KLF17: variants seen among roughly 807,000 people sequenced by gnomAD.
KLF17 encodes the protein KLF transcription factor 17.
A neutral mutation model predicts 34.2 loss-of-function variants in KLF17; 31 were observed. The observed-to-expected ratio is 0.91, with a 90% CI of 0.68 to 1.22. The LOEUF (loss-of-function observed/expected upper bound fraction) is 1.22, where lower values mean the gene tolerates loss of function less well. Among genes scored for constraint, KLF17 ranks in the 50% most tolerant of loss-of-function variants. KLF17 has a pLI of 0.00. For missense variants in KLF17, 478 were observed against 505.2 expected (o/e 0.95, Z 0.52); for synonymous variants, 179 against 186.7 (o/e 0.96, Z 0.34).
At chr1:44,112,476 G>C in the KLF17 span, among the ~76,000 whole-genome samples, 1 of 152,014 alleles carries the variant, frequency 6.6e-6, no homozygotes, top group Non-Finnish European at 1.5e-5. Flanking sequence ...CATGAACATA[G>C]CTCACTTTAA....
At chr1:44,099,594 T>C in the KLF17 span, among the ~76,000 whole-genome samples, 2 of 147,812 alleles carry the variant, frequency 1.4e-5, no homozygotes, top group African/African-American at 5.0e-5. Context: ...GAATCAGGAT[T>C]CAGGAGGTCA....
At chr1:44,123,742 T>A (rs2087975891) in intron 1 of KLF17, among the ~76,000 whole-genome samples, 1 of 152,134 alleles carries the variant, frequency 6.6e-6, no homozygotes, top group Admixed American at 6.6e-5. Context: ...ATCCCATTAG[T>A]TTTGATAGTT....
the KLF17 span, among the ~76,000 whole-genome samples, chr1:44,053,412 A>G: frequency 6.6e-6 from 1 of 151,848 alleles, no homozygotes; most frequent in Non-Finnish European, 1.5e-5. Context: ...CTGTTCCCCC[A>G]TGAGGCCTGT....
rs1422535449 is a variant in KLF17, at chr1:44,130,015, C to T, written c.744C>T (p.Gly248=). ...SLVSQPDSQE[G]PFLPEQPGPA... is the part of the protein sequence containing the mutation. The stretch of plus-strand genomic sequence containing the variant: ...TCAGTCAGCCAGACTCTCAAGAAGG[C>T]CCATTTCTACCAGAGCAGCCCGGAC... Residue 248 remains glycine, a synonymous_variant, in exon 2 of 4, where the codon GGC becomes GGT. Transcript: ENST00000372299. 3 of 1,614,162 alleles carry T rather than the reference C, an allele frequency of 1.9e-6. No homozygotes were observed. The highest frequency in any genetic ancestry group is 1.7e-5 in the Admixed American group (1 of 60,030).
At position 44,127,538 on chromosome 1, in the gene KLF17, C is replaced by T. The variant is rs182565206; in HGVS notation, c.82-1815C>T. ...CCTTCCCTCCCTCCCTCCTTCCCTC[C>T]TTCCTTCCTTCCTTCCTTGAACTCC... On this transcript the variant is annotated intron_variant, in intron 1 of 3. Transcript: ENST00000372299. Among the ~76,000 whole-genome samples, 443 of 149,340 alleles carry T rather than the reference C, an allele frequency of 3.0e-3. 2 individuals carry two copies. Among genetic ancestry groups the T allele is most frequent in the African/African-American group, 9.8e-3 (398 of 40,730 alleles).
Position 44,130,154 on chromosome 1 carries a change from A to G in KLF17, c.883A>G (p.Thr295Ala). The change falls in exon 2 of 4, where the codon ACC (threonine) becomes GCC (alanine). Residue 295 changes from threonine (T) to alanine (A), a missense_variant. By Grantham distance (58) the Thr-to-Ala change is moderately conservative. Coordinates refer to ENST00000372299, the MANE Select transcript of KLF17 (RefSeq NM_173484.4). ...CTACGAGAACTGCGGAAAAGCTTAT[A>G]CCAAACGCTCCCACCTCGTGAGCCA... Reference protein sequence around the residue: ...CNYENCGKAYTKRSHLVSHQR... With the variant: ...CNYENCGKAYAKRSHLVSHQR... 2 of 1,613,918 alleles carry G rather than the reference A, an allele frequency of 1.2e-6. No homozygotes were observed. The highest frequency in any genetic ancestry group is 1.7e-6 in the Non-Finnish European group (2 of 1,179,912).
chr1:44,104,218 G>A, the KLF17 span: 9 of 1,107,286 alleles, frequency 8.1e-6, no homozygotes, highest in East Asian at 1.4e-4. Context: ...ATCTCTGTAC[G>A]CTTATTGATC....
At chr1:44,117,218 C>T (rs191271007), upstream of KLF17, 2 of 152,248 alleles carry the variant, frequency 1.3e-5, no homozygotes, top group Admixed American at 1.3e-4. Context: ...TGGGCCAGTT[C>T]ATCCCTCCTT....
the KLF17 span, chr1:44,103,967 G>C: frequency 1.2e-6 from 1 of 863,422 alleles, no homozygotes; most frequent in Non-Finnish European, 2.0e-6. Flanking sequence ...TGCGGTTGGC[G>C]ATCTCGTACT....
At chr1:44,092,118 G>A in the KLF17 span, among the ~76,000 whole-genome samples, 4,183 of 151,750 alleles carry the variant, frequency 0.028, 78 homozygotes, top group Admixed American at 0.057. Flanking sequence ...TGAGGTGGGC[G>A]GATCACCTGA....
chr1:44,078,974 C>T, the KLF17 span, among the ~76,000 whole-genome samples: 4 of 152,236 alleles, frequency 2.6e-5, 1 homozygote, highest in Admixed American at 2.0e-4. Context: ...CATGAGACAC[C>T]GTGCCTGGCC....
the KLF17 span, among the ~76,000 whole-genome samples, chr1:44,073,142 G>T: frequency 6.6e-6 from 1 of 151,992 alleles, no homozygotes; most frequent in Admixed American, 6.6e-5. Flanking sequence ...CTGTAAAAAG[G>T]TACAGTAAGA....
At chr1:44,080,713 A>ATTTTTTTTTTTT in the KLF17 span, among the ~76,000 whole-genome samples, 1 of 92,674 alleles carries the variant, frequency 1.1e-5, no homozygotes, top group Non-Finnish European at 2.0e-5. Flanking sequence ...ATTATATTGA[A>ATTTTTTTTTTTT]TTTTTTTTTT....
At chr1:44,052,193 T>C in the KLF17 span, 2 of 152,240 alleles carry the variant, frequency 1.3e-5, no homozygotes, top group African/African-American at 2.4e-5. Context: ...TCAGGTAAGG[T>C]AGAAAAAGCT....
At chr1:44,101,181 T>TCTAC in the KLF17 span, among the ~76,000 whole-genome samples, 659 of 152,278 alleles carry the variant, frequency 4.3e-3, 2 homozygotes, top group Non-Finnish European at 6.4e-3. Flanking sequence ...ATTTGCTCTA[T>TCTAC]CTACCTACCT....
At chr1:44,071,908 C>T in the KLF17 span, among the ~76,000 whole-genome samples, 626 of 152,124 alleles carry the variant, frequency 4.1e-3, 2 homozygotes, top group African/African-American at 0.014. Flanking sequence ...CTGGAGCTTC[C>T]CCTCCACCCC....
the KLF17 span, among the ~76,000 whole-genome samples, chr1:44,087,765 T>TAC: frequency 3.6e-5 from 2 of 55,540 alleles, no homozygotes; most frequent in South Asian, 4.9e-4. Flanking sequence ...TATATATATA[T>TAC]ATATACACAC....
chr1:44,131,727 C>T lies in KLF17; in HGVS notation c.*971C>T, dbSNP rs1413741524. 4.6e-5 allele frequency among the ~76,000 whole-genome samples: 7 copies of T among 152,278 alleles called. No individual in the cohort carries two copies. In the East Asian group the frequency reaches 1.2e-3, roughly 25 times the overall value. ...TTTATTTATTTGAGACAGAGTCTTG[C>T]TCTGCCACCATGGCTGGAGTACAGT... On this transcript the variant is annotated intron_variant, in intron 3 of 3. Coordinates refer to ENST00000372299, the MANE Select transcript of KLF17 (RefSeq NM_173484.4).
Position 44,129,844 on chromosome 1 carries a change from G to A in KLF17, c.573G>A (p.Leu191=). ...GLSTVPSDET[L]LGPTVPSTEA... ...CGACAGTACCTTCTGACGAAACATTGTTGGGCCCGACTGTGCCTTCCACTG... is the reference window on the plus strand; with the variant it reads ...CGACAGTACCTTCTGACGAAACATTATTGGGCCCGACTGTGCCTTCCACTG... The change falls in exon 2 of 4, where the codon TTG becomes TTA. Residue 191 remains leucine (L), a synonymous_variant. Transcript: ENST00000372299. 2 of 1,614,172 alleles carry A rather than the reference G, an allele frequency of 1.2e-6. No individual in the cohort carries two copies. The highest frequency in any genetic ancestry group is 1.7e-6 in the Non-Finnish European group (2 of 1,180,032).
Sources: gnomAD v4.1 joint callset for allele counts (sites outside exome capture counted in the v4.1 genomes callset) on GRCh38, gnomAD v4.1.1 for gene constraint, MANE v1.5 for transcripts, NCBI Gene and HGNC (gene_info 2026-07-23, HGNC 2026-07-21) for gene names.